Variants in FNIP2 observed in about 807,000 individuals in gnomAD.
FNIP2 encodes folliculin-interacting protein 2.
A neutral mutation model predicts 108.7 loss-of-function variants in FNIP2; 32 were observed. That is an observed-to-expected ratio of 0.29 (90% CI 0.22 to 0.40). The LOEUF (loss-of-function observed/expected upper bound fraction) is 0.40, where lower values mean the gene tolerates loss of function less well. FNIP2 is among the 10% of genes least tolerant of loss of function. FNIP2 has a pLI of 1.00. For missense variants in FNIP2, 1,202 were observed against 1,381.6 expected, an observed-to-expected ratio of 0.87 and a Z score of 2.06; for synonymous variants, 480 against 496.7, an observed-to-expected ratio of 0.97 and a Z score of 0.45.
At chr4:158,901,147 T>TTG (rs1168736431) in intron 16 of FNIP2, among the ~76,000 whole-genome samples, 18 of 150,224 alleles carry the variant, frequency 1.2e-4, no homozygotes, top group African/African-American at 4.2e-4. Context: ...TTTTTTTTTT[T>TTG]TTTGAGACAG....
chr4:158,826,069 T>G (rs778522924), intron 2 of FNIP2, 27 bp downstream of exon 2: 1 of 1,594,000 alleles, frequency 6.3e-7, no homozygotes. Flanking sequence ...TGCTTTCTCC[T>G]TTTCTTTTGT....
intron 12 of FNIP2, among the ~76,000 whole-genome samples, chr4:158,863,860 A>G (rs1328699803): frequency 1.3e-5 from 2 of 152,210 alleles, no homozygotes; most frequent in Non-Finnish European, 2.9e-5. Flanking sequence ...TGTAGAAATG[A>G]AAAGGAGCTT....
In FNIP2 at chr4:158,889,767, T is replaced by C. The variant is rs189777898; in HGVS notation, c.2950-1679T>C. 102 of 965,492 alleles carry C rather than the reference T, an allele frequency of 1.1e-4. 1 individual carries two copies. The East Asian group carries it at 4.5e-3, about 42-fold the overall frequency. The allele number at this position is 965,492 out of a possible 1,614,324, so 59.8% of individuals were successfully genotyped here. On this transcript the variant is annotated intron_variant, in intron 14 of 16. Transcript: ENST00000264433. ...ACAAATGCAAAGCAGTGAAGGAGTTTGAGCTCAAAATACAAATATTTGAAG... is the reference window on the plus strand; with the variant it reads ...ACAAATGCAAAGCAGTGAAGGAGTTCGAGCTCAAAATACAAATATTTGAAG...
chr4:158,851,127 C>A (rs1338970486), intron 7 of FNIP2, among the ~76,000 whole-genome samples, 194 bp from the exon 8 acceptor site: 1 of 152,046 alleles, frequency 6.6e-6, no homozygotes, highest in Non-Finnish European at 1.5e-5. Context: ...CCATCTCAAC[C>A]ATTTTATTAG....
At chr4:158,882,313 T>C (rs1448381001) in intron 14 of FNIP2, among the ~76,000 whole-genome samples, 1 of 150,058 alleles carries the variant, frequency 6.7e-6, no homozygotes, top group African/African-American at 2.5e-5. Context: ...GCCCGGCAGC[T>C]GCCCCATCTG....
chr4:158,870,246 C>T (rs1780859557), intron 13 of FNIP2, 67 bp from the exon 14 acceptor site: 2 of 1,541,812 alleles, frequency 1.3e-6, no homozygotes, highest in Admixed American at 1.7e-5. Flanking sequence ...AGTGCTTGTA[C>T]CAATTATAAT....
chr4:158,904,374 TAGAAATAATACTTTCTCATAAAA>T (rs1225490591), intron 16 of FNIP2, 69 bp from the exon 17 acceptor site: 202 of 1,159,748 alleles, frequency 1.7e-4, no homozygotes, highest in South Asian at 5.7e-4. Context: ...ACTTAGTACC[TAGAAATAATACTTTCTCATAAAA>T]AGAAATAATA....
At chr4:158,857,758 T>C (rs1169358683) in intron 8 of FNIP2, among the ~76,000 whole-genome samples, 5 of 145,234 alleles carry the variant, frequency 3.4e-5, no homozygotes, top group African/African-American at 1.3e-4. Context: ...GCTTGGACAA[T>C]GTAGGGAGAC....
chr4:158,789,771 GT>G (rs1776342902), intron 1 of FNIP2, among the ~76,000 whole-genome samples: 1 of 152,088 alleles, frequency 6.6e-6, no homozygotes, highest in Non-Finnish European at 1.5e-5. Context: ...AATCGGAGTA[GT>G]TTCTGAGTAA....
intron 1 of FNIP2, among the ~76,000 whole-genome samples, chr4:158,819,779 C>T (rs1004478464): frequency 1.3e-5 from 2 of 152,240 alleles, no homozygotes; most frequent in African/African-American, 4.8e-5. Flanking sequence ...TTTTCTTCCA[C>T]CCCCAGTCTT....
At chr4:158,826,589 C>T (rs2126565603) in intron 2 of FNIP2, among the ~76,000 whole-genome samples, 1 of 152,016 alleles carries the variant, frequency 6.6e-6, no homozygotes, top group Middle Eastern at 3.4e-3. Context: ...ATTTATTTCC[C>T]ATTTTTTTTG....
intron 1 of FNIP2, among the ~76,000 whole-genome samples, chr4:158,807,072 A>G (rs1183125182): frequency 1.3e-5 from 2 of 152,212 alleles, no homozygotes; most frequent in Non-Finnish European, 2.9e-5. Flanking sequence ...TTGAAATGCT[A>G]TTTGTAAAGA....
intron 14 of FNIP2, among the ~76,000 whole-genome samples, chr4:158,879,622 A>G (rs1781472928): frequency 6.6e-6 from 1 of 150,540 alleles, no homozygotes; most frequent in African/African-American, 2.5e-5. Flanking sequence ...GAGCTTCTGC[A>G]TGGCAAAAGA....
chr4:158,796,929 C>T (rs930233530), intron 1 of FNIP2, among the ~76,000 whole-genome samples: 3 of 152,124 alleles, frequency 2.0e-5, no homozygotes, highest in Admixed American at 6.5e-5. Context: ...AGTGACTACG[C>T]GCTGGTGGCT....
At chr4:158,835,512 G>A (rs760710461) in intron 7 of FNIP2, 36 bp downstream of exon 7, 75 of 1,580,668 alleles carry the variant, frequency 4.7e-5, no homozygotes, top group Non-Finnish European at 6.3e-5. Context: ...AACTAACAGA[G>A]TGAACTATCT....
Position 158,794,264 on chromosome 4 carries a change from G to A in FNIP2, c.107+24945G>A, listed in dbSNP as rs555203961. Among the ~76,000 whole-genome samples, 11 of 151,966 alleles carry A rather than the reference G, an allele frequency of 7.2e-5. No individual in the cohort carries two copies. The South Asian group carries it at 2.1e-3, about 29-fold the overall frequency. On this transcript the variant is annotated intron_variant, in intron 1 of 16. Transcript: ENST00000264433. Reference sequence around the variant, plus strand: ...ACCTCCTAGGCTCAAGCAATCCTCCGGCCTCAGCCTCCCAAGCAGCTGGGA... The same window carrying A: ...ACCTCCTAGGCTCAAGCAATCCTCCAGCCTCAGCCTCCCAAGCAGCTGGGA...
At position 158,825,914 on chromosome 4, in the gene FNIP2, A is replaced by T; in HGVS notation, c.108-2A>T. The T allele has an allele frequency of 6.2e-7, 1 of 1,604,974 alleles. No homozygotes were observed. Among genetic ancestry groups the T allele is most frequent in the Non-Finnish European group, 8.5e-7 (1 of 1,172,874 alleles). On this transcript the variant is annotated splice_acceptor_variant, in intron 1 of 16. Coordinates refer to ENST00000264433, the MANE Select transcript of FNIP2 (RefSeq NM_020840.3). LOFTEE classifies it high-confidence loss of function. ...ACTTCTTTTGCCCTTTTTAATCCAC[A>T]GTTGGTCATGTTCGGAGTTTGACCT...
intron 3 of FNIP2, among the ~76,000 whole-genome samples, chr4:158,829,736 G>GTGTA (rs1778362567): frequency 6.6e-6 from 1 of 151,170 alleles, no homozygotes; most frequent in Admixed American, 6.6e-5. Context: ...GTGTGTGTGT[G>GTGTA]TATAAGGATA....
chr4:158,889,675 C>T (rs997272528), intron 14 of FNIP2, among the ~76,000 whole-genome samples: 1 of 152,166 alleles, frequency 6.6e-6, no homozygotes, highest in Non-Finnish European at 1.5e-5. Flanking sequence ...GACATATGGT[C>T]AGTATGAGAG....
Sources: allele counts gnomAD v4.1 joint callset (sites outside exome capture counted in the v4.1 genomes callset), GRCh38; gene constraint gnomAD v4.1.1; transcripts MANE v1.5; gene names NCBI Gene and HGNC (gene_info 2026-07-23, HGNC 2026-07-21).